Variants in ANK3 observed in about 807,000 individuals in gnomAD.
ANK3 encodes the protein ankyrin 3, also known as ankyrin-3.
A neutral mutation model predicts 370.9 loss-of-function variants in ANK3; 57 were observed. The observed-to-expected ratio is 0.15, with a 90% CI of 0.12 to 0.19. ANK3 has a LOEUF of 0.19. ANK3 is among the 10% of genes least tolerant of loss of function. The pLI is 1.00. For missense variants in ANK3, 4,439 were observed against 5,302.1 expected, an observed-to-expected ratio of 0.84 and a Z score of 5.06; for synonymous variants, 1,929 against 1,946.3, an observed-to-expected ratio of 0.99 and a Z score of 0.23.
chr10:60,137,363 A>G (rs2132200149), intron 24 of ANK3: 1 of 301,920 alleles, frequency 3.3e-6, no homozygotes, highest in African/African-American at 3.0e-5. Flanking sequence ...ACTATTTTAA[A>G]GTAATTTTAG....
intron 2 of ANK3, among the ~76,000 whole-genome samples, chr10:60,532,599 C>T (rs556843405): frequency 1.3e-5 from 2 of 151,902 alleles, no homozygotes; most frequent in Admixed American, 6.6e-5. Flanking sequence ...ACACAGATTG[C>T]GCTCTCCCAA....
chr10:60,112,148 T>C (rs1052061664), intron 26 of ANK3, among the ~76,000 whole-genome samples: 4 of 152,222 alleles, frequency 2.6e-5, no homozygotes, highest in Non-Finnish European at 4.4e-5. Flanking sequence ...GGAAAGTTCA[T>C]TTCTGATTTT....
At chr10:60,653,984 C>T (rs563200647) in intron 1 of ANK3, among the ~76,000 whole-genome samples, 11 of 152,258 alleles carry the variant, frequency 7.2e-5, no homozygotes, top group Middle Eastern at 3.4e-3. Context: ...ATATATCTCT[C>T]CATTTGTTTG....
intron 3 of ANK3, 23 bp from the exon 4 acceptor site, chr10:60,278,895 T>A (rs1344464833): frequency 4.4e-6 from 7 of 1,606,426 alleles, no homozygotes; most frequent in Non-Finnish European, 6.0e-6. Context: ...AGTCAAGATA[T>A]ATCAACTCAT....
intron 24 of ANK3, among the ~76,000 whole-genome samples, chr10:60,137,097 T>A (rs191131008): frequency 9.1e-4 from 139 of 152,166 alleles, no homozygotes; most frequent in African/African-American, 3.2e-3. Flanking sequence ...ATACAAAACT[T>A]GTTAAGGGAA....
rs1042184690 is a variant in ANK3, at chr10:60,686,383, T to G, written c.57+46880A>C. Among the ~76,000 whole-genome samples the G allele has an allele frequency of 2.0e-5, 3 of 152,318 alleles. No homozygotes were observed. The South Asian group carries it at 6.2e-4, about 32-fold the overall frequency. The stretch of plus-strand genomic sequence containing the variant: ...AATTGACAAAAATTTAGAAACCTCA[T>G]TATTTCAAGTGGTAAAAGAATATGA... On this transcript the variant is annotated intron_variant, in intron 1 of 43. Coordinates refer to the ANK3 transcript ENST00000373827.
At chr10:60,407,051 C>A (rs527340438) in intron 2 of ANK3, among the ~76,000 whole-genome samples, 1 of 152,178 alleles carries the variant, frequency 6.6e-6, no homozygotes, top group Non-Finnish European at 1.5e-5. Context: ...TCTAGGCAAA[C>A]TTTCAGATAG....
chr10:60,132,474 G>A (rs2094133482), intron 25 of ANK3, among the ~76,000 whole-genome samples: 1 of 152,086 alleles, frequency 6.6e-6, no homozygotes, highest in Admixed American at 6.6e-5. Context: ...CATGTAAGAT[G>A]TCTCTTTCTC....
chr10:60,553,702 T>C (rs1175190158), intron 2 of ANK3, among the ~76,000 whole-genome samples: 1 of 152,044 alleles, frequency 6.6e-6, no homozygotes, highest in Non-Finnish European at 1.5e-5. Flanking sequence ...AAAACTGAAA[T>C]CAGTATTTGA....
intron 2 of ANK3, among the ~76,000 whole-genome samples, chr10:60,610,951 A>G (rs1368195420): frequency 1.3e-5 from 2 of 152,228 alleles, no homozygotes; most frequent in Non-Finnish European, 1.5e-5. Context: ...GCCAAACCAG[A>G]ATTCTAAGCT....
At chr10:60,644,634 T>C (rs529776509) in intron 1 of ANK3, among the ~76,000 whole-genome samples, 2 of 152,128 alleles carry the variant, frequency 1.3e-5, no homozygotes, top group Admixed American at 6.6e-5. Flanking sequence ...GATTACACTA[T>C]TCTTGGCAAA....
At chr10:60,077,055 AC>A (rs1471750484) in intron 36 of ANK3, among the ~76,000 whole-genome samples, 1 of 152,188 alleles carries the variant, frequency 6.6e-6, no homozygotes, top group Non-Finnish European at 1.5e-5. Flanking sequence ...ATCCAAAATA[AC>A]TTTTAAGTGA....
At chr10:60,161,716 A>G (rs1300371058) in intron 23 of ANK3, among the ~76,000 whole-genome samples, 1 of 152,122 alleles carries the variant, frequency 6.6e-6, no homozygotes, top group Non-Finnish European at 1.5e-5. Context: ...TAGAAAGTAG[A>G]ATGATGGTTT....
intron 7 of ANK3, among the ~76,000 whole-genome samples, chr10:60,259,174 G>A (rs1433141132): frequency 6.6e-6 from 1 of 152,180 alleles, no homozygotes; most frequent in Non-Finnish European, 1.5e-5. Context: ...CAACAAAATT[G>A]CTACAGATGT....
intron 5 of ANK3, among the ~76,000 whole-genome samples, chr10:60,264,373 C>T (rs772098238): frequency 3.9e-5 from 6 of 151,970 alleles, no homozygotes; most frequent in Admixed American, 6.6e-5. Context: ...GGGCCAGGTG[C>T]GGTGGCTCAT....
At chr10:60,215,442 G>T (rs146251531) in intron 8 of ANK3, among the ~76,000 whole-genome samples, 1 of 152,172 alleles carries the variant, frequency 6.6e-6, no homozygotes, top group Non-Finnish European at 1.5e-5. Flanking sequence ...CCATGCCTAC[G>T]TGCTGAATGC....
intron 1 of ANK3, among the ~76,000 whole-genome samples, chr10:60,720,536 C>A (rs575988572): frequency 3.3e-5 from 5 of 152,298 alleles, no homozygotes; most frequent in Non-Finnish European, 7.4e-5. Context: ...AAAGTATAGT[C>A]TTGCCAGATT....
At chr10:60,200,634 C>G (rs560339769) in intron 12 of ANK3, among the ~76,000 whole-genome samples, 1 of 151,528 alleles carries the variant, frequency 6.6e-6, no homozygotes, top group African/African-American at 2.4e-5. Flanking sequence ...ATCTGCAGCT[C>G]GCTGCTGTCA....
At chr10:60,207,701 T>C (rs2096786155) in intron 10 of ANK3, among the ~76,000 whole-genome samples, 1 of 152,210 alleles carries the variant, frequency 6.6e-6, no homozygotes, top group East Asian at 1.9e-4. Flanking sequence ...TTTTCAGATC[T>C]CAGAATAAAC....
Sources: allele counts gnomAD v4.1 joint callset (sites outside exome capture counted in the v4.1 genomes callset), GRCh38; gene constraint gnomAD v4.1.1; transcripts MANE v1.5; gene names NCBI Gene and HGNC (gene_info 2026-07-23, HGNC 2026-07-21).